The following NUP62CL variants were observed in gnomAD, a reference collection of about 807,000 sequenced individuals.
The protein encoded by NUP62CL is nucleoporin 62 C-terminal like.
NUP62CL carries 13 observed loss-of-function variants against 15.3 expected under a neutral mutation model. The observed-to-expected ratio is 0.85, with a 90% CI of 0.55 to 1.35. NUP62CL has a LOEUF of 1.35. NUP62CL is among the 40% of genes most tolerant of loss of function. The pLI, the probability that NUP62CL is intolerant of heterozygous loss-of-function variation, is 0.00. For missense variants in NUP62CL, 123 were observed against 130.6 expected, an observed-to-expected ratio of 0.94 and a Z score of 0.28; for synonymous variants, 54 against 49.2, an observed-to-expected ratio of 1.10 and a Z score of -0.41.
chrX:107,124,523 CT>C (rs200762509), intron 8 of NUP62CL, among the ~76,000 whole-genome samples, 191 bp from the exon 9 acceptor site: 352 of 104,831 alleles, frequency 3.4e-3, no homozygotes, highest in African/African-American at 0.011. Context: ...ATGGACAAGA[CT>C]TTTTTTTTTT....
intron 8 of NUP62CL, among the ~76,000 whole-genome samples, chrX:107,143,538 A>T (rs780497774): frequency 9.0e-6 from 1 of 111,282 alleles, no homozygotes; most frequent in Non-Finnish European, 1.9e-5. Flanking sequence ...TAAAGAGCCA[A>T]CTTTTTAGTT....
chrX:107,155,079 G>C (rs972171423), intron 4 of NUP62CL, among the ~76,000 whole-genome samples: 8 of 111,579 alleles, frequency 7.2e-5, no homozygotes, highest in African/African-American at 2.3e-4. Flanking sequence ...GTTAGGGCTT[G>C]TAGGGATCCC....
intron 2 of NUP62CL, among the ~76,000 whole-genome samples, chrX:107,189,828 GGGAAGGAAGGAAGGAA>G (rs147140354): frequency 9.3e-5 from 5 of 53,748 alleles, no homozygotes; most frequent in East Asian, 1.2e-3. Flanking sequence ...GAAAGAAGGA[GGGAAGGAAGGAAGGAA>G]GGAAGGAAGG....
intron 2 of NUP62CL, among the ~76,000 whole-genome samples, chrX:107,175,830 C>T (rs371269264): frequency 9.0e-6 from 1 of 111,397 alleles, no homozygotes; most frequent in Admixed American, 9.5e-5. Context: ...TTTCTTATCA[C>T]TTCCAACACA....
intron 4 of NUP62CL, among the ~76,000 whole-genome samples, chrX:107,157,182 C>T (rs1412723821): frequency 1.5e-4 from 16 of 104,126 alleles, no homozygotes; most frequent in Non-Finnish European, 3.2e-4. Context: ...GGGGAGAATG[C>T]AACCAAGTTG....
intron 7 of NUP62CL, among the ~76,000 whole-genome samples, chrX:107,151,857 G>A (rs1396029904): frequency 1.9e-5 from 2 of 103,643 alleles, no homozygotes; most frequent in African/African-American, 7.1e-5. Flanking sequence ...GGTGAAACCC[G>A]GTCCCTACTA....
chrX:107,143,740 A>G (rs1925827615), intron 8 of NUP62CL, among the ~76,000 whole-genome samples: 1 of 112,139 alleles, frequency 8.9e-6, no homozygotes, highest in African/African-American at 3.2e-5. Flanking sequence ...TAACACATCT[A>G]TTACTTTTTC....
Position 107,182,005 on chromosome X carries a change from G to A in NUP62CL, c.-47-6812C>T, listed in dbSNP as rs562727788. The stretch of plus-strand genomic sequence containing the variant: ...ACTATCTCTAATTAAATTTACACTT[G>A]ATTTATGCCCGTATTTAAAAATCTT... On this transcript the variant is annotated intron_variant, in intron 2 of 8. Transcript: ENST00000372466. 1.9e-4 allele frequency among the ~76,000 whole-genome samples: 21 copies of A among 111,660 alleles called. No individual in the cohort carries two copies. In the South Asian group the frequency reaches 2.3e-3, roughly 12 times the overall value.
At chrX:107,132,321 A>G (rs1398444145) in intron 8 of NUP62CL, 1 of 746,474 alleles carries the variant, frequency 1.3e-6, no homozygotes, top group Non-Finnish European at 2.0e-6. Context: ...AGAACTTTTT[A>G]GAGTTCTTAC....
At chrX:107,188,433 A>C (rs1602663362) in intron 2 of NUP62CL, among the ~76,000 whole-genome samples, 1 of 102,071 alleles carries the variant, frequency 9.8e-6, no homozygotes, top group Non-Finnish European at 2.0e-5. Context: ...CCCCCCCACC[A>C]CTCCCCCAGC....
chrX:107,147,622 G>T (rs1925909420), intron 8 of NUP62CL, 121 bp downstream of exon 8: 2 of 485,148 alleles, frequency 4.1e-6, no homozygotes, highest in Admixed American at 2.9e-5. Context: ...CACATACTGT[G>T]CGTTAAGCAA....
chrX:107,191,472 G>A lies in NUP62CL; in HGVS notation c.-48+1557C>T, dbSNP rs144215968. 2.2e-3 allele frequency among the ~76,000 whole-genome samples: 248 copies of A among 110,423 alleles called. 3 individuals carry two copies. The East Asian group carries it at 0.064, about 29-fold the overall frequency. On this transcript the variant is annotated intron_variant, in intron 2 of 8. Transcript: ENST00000372466. ...CACCTGTAATCCCAGCACTTTGGGA[G>A]GCCGAGGCAGGTGGATCACGAGGTC...
rs770108604 is a variant in NUP62CL at position 107,164,137 on chromosome X, A to C, written c.194+3512T>G. On this transcript the variant is annotated intron_variant, in intron 4 of 8. Coordinates refer to ENST00000372466, the MANE Select transcript of NUP62CL (RefSeq NM_017681.3). Reference sequence around the variant, plus strand: ...ACCTAAATAAATTTAAAAGAACTAAAATCGTACAAAGCATATTCTAATACC... The same window carrying C: ...ACCTAAATAAATTTAAAAGAACTAACATCGTACAAAGCATATTCTAATACC... Among the ~76,000 whole-genome samples the C allele has an allele frequency of 2.7e-5, 3 of 111,889 alleles. No homozygotes were observed. In the East Asian group the frequency reaches 8.4e-4, roughly 31 times the overall value.
chrX:107,141,357 T>G lies in NUP62CL; in HGVS notation c.*42+6386A>C, dbSNP rs769460585. Among the ~76,000 whole-genome samples, 8 of 112,367 alleles carry G rather than the reference T, an allele frequency of 7.1e-5. 1 individual carries two copies. In the South Asian group the frequency reaches 3.0e-3, roughly 42 times the overall value. Reference sequence around the variant, plus strand: ...GGAACAAAGATGAGCAAGTGGCTAATAAACAGTGGAAAGACATAAAATACC... The same window carrying G: ...GGAACAAAGATGAGCAAGTGGCTAAGAAACAGTGGAAAGACATAAAATACC... On this transcript the variant is annotated intron_variant, in intron 8 of 8. Transcript: ENST00000372466.
intron 1 of NUP62CL, among the ~76,000 whole-genome samples, chrX:107,194,772 C>CAA (rs1927320779): frequency 9.6e-6 from 1 of 103,670 alleles, no homozygotes; most frequent in Non-Finnish European, 2.0e-5. Flanking sequence ...TAATGTATCT[C>CAA]AAAAATTCAC....
chrX:107,179,841 C>T (rs1723164022), intron 2 of NUP62CL, among the ~76,000 whole-genome samples: 1 of 112,187 alleles, frequency 8.9e-6, no homozygotes, highest in South Asian at 3.7e-4. Flanking sequence ...CCTACCAACA[C>T]TATTACTGAT....
chrX:107,195,583 A>T (rs1328704812), intron 1 of NUP62CL, among the ~76,000 whole-genome samples: 1 of 112,393 alleles, frequency 8.9e-6, no homozygotes, highest in Non-Finnish European at 1.9e-5. Flanking sequence ...GAATACTGTT[A>T]GTGTCATGGG....
chrX:107,189,898 A>G (rs975449642), intron 2 of NUP62CL, among the ~76,000 whole-genome samples: 8 of 98,049 alleles, frequency 8.2e-5, no homozygotes, highest in African/African-American at 2.8e-4. Context: ...AGAAAGAAAG[A>G]AAGAAAGAAA....
chrX:107,160,710 C>T lies in NUP62CL; in HGVS notation c.195-6464G>A, dbSNP rs1926341837. Among the ~76,000 whole-genome samples the T allele has an allele frequency of 1.2e-4, 13 of 110,814 alleles. No homozygotes were observed. In the South Asian group the frequency reaches 5.0e-3, roughly 43 times the overall value. ...GAAACCTAGGCATTACCATTCAGGACATAGGCGTGGGCAAGGACTTCATGT... is the reference window on the plus strand; with the variant it reads ...GAAACCTAGGCATTACCATTCAGGATATAGGCGTGGGCAAGGACTTCATGT... On this transcript the variant is annotated intron_variant, in intron 4 of 8. Coordinates refer to ENST00000372466, the MANE Select transcript of NUP62CL (RefSeq NM_017681.3).
Sources: allele counts gnomAD v4.1 joint callset (sites outside exome capture counted in the v4.1 genomes callset), GRCh38; gene constraint gnomAD v4.1.1; transcripts MANE v1.5; gene names NCBI Gene and HGNC (gene_info 2026-07-23, HGNC 2026-07-21).